The following GK5 variants were observed in gnomAD, a reference collection of about 807,000 sequenced individuals.
The protein encoded by GK5 is ATP:glycerol 3-phosphotransferase 5.
In GK5, 39 loss-of-function variants were observed where a neutral mutation model predicts 77.3. The observed-to-expected ratio is 0.50, with a 90% CI of 0.39 to 0.66. The LOEUF is 0.66. GK5 is among the 30% of genes least tolerant of loss of function. The pLI is 0.00. For missense variants in GK5, 487 were observed against 633.8 expected (o/e 0.77, Z 2.49); for synonymous variants, 211 against 208.0 (o/e 1.01, Z -0.13).
chr3:142,188,303 G>A (rs1329535743), intron 5 of GK5, among the ~76,000 whole-genome samples: 4 of 152,084 alleles, frequency 2.6e-5, no homozygotes, highest in African/African-American at 7.2e-5. Context: ...AGGCCGAGGC[G>A]GGCGGATCAT....
rs1347087609 is a variant in GK5 at position 142,159,827 on chromosome 3, C to A, written c.*5795G>T. On this transcript the variant is annotated 3_prime_UTR_variant, in exon 16 of 16. Transcript: ENST00000392993. ...GTAAAGGCCCAAGGTATGTTTGGGG[C>A]TTTCTCTCTCTCTCTCTCTCTCTCT... is the stretch of plus-strand genomic sequence containing the variant. 1.7e-5 allele frequency: 2 copies of A among 118,910 alleles called. No individual in the cohort carries two copies. Among genetic ancestry groups the A allele is most frequent in the African/African-American group, 6.8e-5 (2 of 29,256 alleles). 7.4% of individuals were successfully genotyped at this position (118,910 alleles called of 1,614,324 possible). A position where few individuals can be genotyped will look rare whatever the true frequency, so the allele number is the denominator to read the frequency against.
intron 5 of GK5, among the ~76,000 whole-genome samples, chr3:142,198,484 C>T (rs373514306): frequency 6.6e-6 from 1 of 151,682 alleles, no homozygotes; most frequent in South Asian, 2.1e-4. Flanking sequence ...CGTGGTGGCA[C>T]GCGCCTGTAG....
At chr3:142,199,531 C>T (rs1012034330) in intron 4 of GK5, among the ~76,000 whole-genome samples, 6 of 152,068 alleles carry the variant, frequency 3.9e-5, no homozygotes, top group Admixed American at 1.3e-4. Flanking sequence ...TACTAGACAA[C>T]GAAGGATGAG....
chr3:142,200,388 G>A (rs539890445), intron 4 of GK5, among the ~76,000 whole-genome samples: 1 of 152,008 alleles, frequency 6.6e-6, no homozygotes. Context: ...GGCTGGTCTC[G>A]AACTCCTGAC....
At chr3:142,189,785 C>T (rs1230534224) in intron 5 of GK5, among the ~76,000 whole-genome samples, 1 of 152,170 alleles carries the variant, frequency 6.6e-6, no homozygotes, top group Non-Finnish European at 1.5e-5. Flanking sequence ...TTTGAATCAT[C>T]TCAATTATTA....
chr3:142,225,511 T>C lies in GK5; in HGVS notation c.-56A>G, dbSNP rs916556351. ...GCCTACCCAGAGGGCGCGCTACAAA[T>C]CCCAATGCTCCAGAGTCCCCGGGCG... On this transcript the variant is annotated 5_prime_UTR_variant, in exon 1 of 16. Transcript: ENST00000392993. 22 of 1,564,656 alleles carry C rather than the reference T, an allele frequency of 1.4e-5. No homozygotes were observed. The highest frequency in any genetic ancestry group is 1.9e-5 in the Non-Finnish European group (22 of 1,163,688).
rs1003786785 is a variant in GK5 at position 142,159,879 on chromosome 3, G to C, written c.*5743C>G. The C allele has an allele frequency of 1.9e-5, 2 of 108,028 alleles. No individual in the cohort carries two copies. Among genetic ancestry groups the C allele is most frequent in the Middle Eastern group, 4.8e-3 (1 of 208 alleles). The allele number at this position is 108,028 out of a possible 1,614,324, so 6.7% of individuals were successfully genotyped here. ...TTTTTTTTTTTTGAGACAGAGTCTCGCTCTCTCACCCAGGCTGGAATGCAG... is the reference window on the plus strand; with the variant it reads ...TTTTTTTTTTTTGAGACAGAGTCTCCCTCTCTCACCCAGGCTGGAATGCAG... On this transcript the variant is annotated 3_prime_UTR_variant, in exon 16 of 16. Transcript: ENST00000392993.
chr3:142,171,579 TGATA>T (rs1348617817), intron 13 of GK5, 101 bp from the exon 14 acceptor site: 2 of 848,588 alleles, frequency 2.4e-6, no homozygotes, highest in African/African-American at 1.7e-5. Context: ...TTTATTTATT[TGATA>T]TTTATAAAAT....
At position 142,159,847 on chromosome 3, in the gene GK5, C is replaced by CTTTTTT. The variant is rs1407448771; in HGVS notation, c.*5774_*5775insAAAAAA. 10 of 103,212 alleles carry CTTTTTT rather than the reference C, an allele frequency of 9.7e-5. No homozygotes were observed. The highest frequency in any genetic ancestry group is 4.0e-4 in the African/African-American group (10 of 25,196). 6.4% of individuals were successfully genotyped at this position (103,212 alleles called of 1,614,324 possible). On this transcript the variant is annotated 3_prime_UTR_variant, in exon 16 of 16. Coordinates refer to ENST00000392993, the MANE Select transcript of GK5 (RefSeq NM_001039547.3). ...TGGGGCTTTCTCTCTCTCTCTCTCT[C>CTTTTTT]TCTCTCTTTTTTTTTTTTGAGACAG...
At chr3:142,181,706 C>T in intron 10 of GK5, 141 bp from the exon 11 acceptor site, 1 of 573,122 alleles carries the variant, frequency 1.7e-6, no homozygotes, top group East Asian at 3.1e-5. Context: ...CTCTAGCCCA[C>T]TTACATTTAC....
chr3:142,172,041 T>C (rs905799305), intron 13 of GK5, among the ~76,000 whole-genome samples: 1 of 152,132 alleles, frequency 6.6e-6, no homozygotes, highest in African/African-American at 2.4e-5. Flanking sequence ...TTATCTTTCA[T>C]GAATAAGGAT....
At chr3:142,206,953 G>T (rs910642467) in intron 3 of GK5, among the ~76,000 whole-genome samples, 2 of 152,216 alleles carry the variant, frequency 1.3e-5, no homozygotes, top group Non-Finnish European at 1.5e-5. Context: ...GATGTAGGGA[G>T]ACCCCCTGAA....
At chr3:142,187,852 T>C (rs2063793679) in intron 5 of GK5, 73 bp from the exon 6 acceptor site, 3 of 1,037,354 alleles carry the variant, frequency 2.9e-6, no homozygotes, top group Admixed American at 2.2e-5. Context: ...TGCAGATCAG[T>C]GATACAATAT....
intron 15 of GK5, 70 bp downstream of exon 15, chr3:142,170,255 G>T: frequency 6.6e-7 from 1 of 1,504,774 alleles, no homozygotes; most frequent in South Asian, 1.1e-5. Flanking sequence ...TTTGTAATTT[G>T]AGAGGAGAAA....
chr3:142,204,015 A>G (rs2064066840), intron 4 of GK5, among the ~76,000 whole-genome samples: 1 of 152,172 alleles, frequency 6.6e-6, no homozygotes, highest in African/African-American at 2.4e-5. Context: ...TGTATCAGGC[A>G]TAATTTGGTA....
chr3:142,225,186 G>A, intron 1 of GK5, 123 bp downstream of exon 1: 1 of 1,072,250 alleles, frequency 9.3e-7, no homozygotes, highest in Non-Finnish European at 1.3e-6. Context: ...CAGGGCCCGC[G>A]GGTGCTGCAG....
At chr3:142,219,634 A>G (rs778535972) in intron 1 of GK5, among the ~76,000 whole-genome samples, 1 of 152,244 alleles carries the variant, frequency 6.6e-6, no homozygotes, top group Admixed American at 6.5e-5. Context: ...CACATGTCCT[A>G]AAGTTCACAT....
chr3:142,202,560 T>C (rs2064042301), intron 4 of GK5, among the ~76,000 whole-genome samples: 1 of 152,206 alleles, frequency 6.6e-6, no homozygotes, highest in South Asian at 2.1e-4. Flanking sequence ...ATTTTTTTGC[T>C]AAGAGAACCA....
chr3:142,223,837 A>C (rs6769961), intron 1 of GK5, among the ~76,000 whole-genome samples: 140,274 of 152,142 alleles, frequency 0.92, 64,849 homozygotes, highest in East Asian at 1. Flanking sequence ...GACTCCGTCT[A>C]AAAAGAAAAA....
Sources: gnomAD v4.1 joint callset for allele counts (sites outside exome capture counted in the v4.1 genomes callset) on GRCh38, gnomAD v4.1.1 for gene constraint, MANE v1.5 for transcripts, NCBI Gene and HGNC (gene_info 2026-07-23, HGNC 2026-07-21) for gene names.